NBEAL1: variants seen among roughly 807,000 people sequenced by gnomAD.
NBEAL1 encodes the protein neurobeachin-like protein 1.
A neutral mutation model predicts 351.3 loss-of-function variants in NBEAL1; 273 were observed. The observed-to-expected ratio is 0.78, with a 90% CI of 0.70 to 0.86. The LOEUF (loss-of-function observed/expected upper bound fraction) is 0.86. NBEAL1 is among the 40% of genes least tolerant of loss of function. NBEAL1 has a pLI of 0.00. For synonymous variants in NBEAL1, 1,050 were observed against 1,086.4 expected, an observed-to-expected ratio of 0.97 and a Z score of 0.66; for missense variants, 2,961 against 3,201.3, an observed-to-expected ratio of 0.92 and a Z score of 1.81.
At chr2:203,048,209 C>T (rs553177139) in intron 3 of NBEAL1, among the ~76,000 whole-genome samples, 2 of 151,776 alleles carry the variant, frequency 1.3e-5, no homozygotes, top group South Asian at 2.1e-4. Context: ...TGGTGAAACC[C>T]CGTCTCTACG....
chr2:203,084,335 A>T (rs2061926185), intron 9 of NBEAL1, 128 bp from the exon 10 acceptor site: 3 of 453,736 alleles, frequency 6.6e-6, no homozygotes, highest in Admixed American at 4.3e-5. Flanking sequence ...TTTGTGTGTT[A>T]GTGTCATTTT....
chr2:203,145,264 CTTTT>C (rs1242829227), intron 33 of NBEAL1, 104 bp downstream of exon 33: 3 of 973,230 alleles, frequency 3.1e-6, no homozygotes, highest in Non-Finnish European at 4.4e-6. Context: ...AGCAGTATTT[CTTTT>C]ATTTGTCTAA....
intron 42 of NBEAL1, among the ~76,000 whole-genome samples, chr2:203,179,867 G>C (rs973590678): frequency 1.3e-5 from 2 of 151,860 alleles, no homozygotes; most frequent in African/African-American, 4.8e-5. Context: ...TCTGCCTCCC[G>C]GGCTCAAGCA....
chr2:203,203,039 C>CT (rs572922605), intron 51 of NBEAL1, among the ~76,000 whole-genome samples: 325 of 152,232 alleles, frequency 2.1e-3, no homozygotes, highest in Non-Finnish European at 3.9e-3. Flanking sequence ...ATTTTATTGT[C>CT]TTTTAGCATA....
chr2:203,058,971 T>C (rs1325815749), intron 6 of NBEAL1, among the ~76,000 whole-genome samples: 1 of 152,232 alleles, frequency 6.6e-6, no homozygotes, highest in Non-Finnish European at 1.5e-5. Context: ...ACCTCTTTTT[T>C]AAATCTCCTA....
chr2:203,194,530 T>C (rs1216020621), intron 47 of NBEAL1, among the ~76,000 whole-genome samples: 1 of 152,218 alleles, frequency 6.6e-6, no homozygotes, highest in Non-Finnish European at 1.5e-5. Context: ...GTCTCTGCAA[T>C]ACAGCAGAGG....
intron 10 of NBEAL1, chr2:203,085,617 G>T (rs2061949086): frequency 6.6e-6 from 1 of 152,006 alleles, no homozygotes; most frequent in Admixed American, 6.6e-5. Flanking sequence ...ATGATTTTGG[G>T]TGTTTATTTC....
At chr2:203,208,253 T>C (rs1238153205) in intron 51 of NBEAL1, among the ~76,000 whole-genome samples, 1 of 151,836 alleles carries the variant, frequency 6.6e-6, no homozygotes, top group African/African-American at 2.4e-5. Flanking sequence ...GCCACCGCAC[T>C]CCAGCCTGGG....
intron 8 of NBEAL1, among the ~76,000 whole-genome samples, chr2:203,082,914 G>A (rs2061897706): frequency 6.6e-6 from 1 of 152,166 alleles, no homozygotes; most frequent in Non-Finnish European, 1.5e-5. Flanking sequence ...CAAGAGCAAA[G>A]GGTCCTTCCC....
intron 2 of NBEAL1, among the ~76,000 whole-genome samples, chr2:203,032,531 G>T (rs1303402065): frequency 6.6e-6 from 1 of 151,462 alleles, no homozygotes; most frequent in Non-Finnish European, 1.5e-5. Context: ...GTGGTGTCGG[G>T]CACCTGTAGT....
At chr2:203,040,949 T>TG (rs2061130811) in intron 2 of NBEAL1, 1 of 294,830 alleles carries the variant, frequency 3.4e-6, no homozygotes, top group African/African-American at 2.2e-5. Context: ...GTTTTTGTTT[T>TG]GGGGGGAATT....
intron 6 of NBEAL1, among the ~76,000 whole-genome samples, chr2:203,063,812 A>G (rs1347854063): frequency 6.6e-6 from 1 of 152,146 alleles, no homozygotes; most frequent in Non-Finnish European, 1.5e-5. Flanking sequence ...GAATTATTTA[A>G]CCATTCAGGA....
intron 6 of NBEAL1, 110 bp from the exon 7 acceptor site, chr2:203,068,283 C>G (rs755100662): frequency 6.9e-5 from 37 of 539,850 alleles, no homozygotes; most frequent in Non-Finnish European, 1.1e-4. Flanking sequence ...ATACATAGTT[C>G]AAGACACAAA....
At position 203,043,848 on chromosome 2, in the gene NBEAL1, T is replaced by C. The variant is rs765819349; in HGVS notation, c.143+1992T>C. Among the ~76,000 whole-genome samples, 55 of 151,838 alleles carry C rather than the reference T, an allele frequency of 3.6e-4. 2 individuals carry two copies. Among genetic ancestry groups the C allele is most frequent in the Non-Finnish European group, 8.8e-5 (6 of 67,982 alleles). ...AGGAAAAGTGTTTGCATTTTGGGGATAGAGGTAGGCAATCAGAAGTAGTAA... is the reference window on the plus strand; with the variant it reads ...AGGAAAAGTGTTTGCATTTTGGGGACAGAGGTAGGCAATCAGAAGTAGTAA... On this transcript the variant is annotated intron_variant, in intron 3 of 55. Coordinates refer to ENST00000683969, the MANE Select transcript of NBEAL1 (RefSeq NM_001378026.1).
In NBEAL1 at chr2:203,144,644, C is replaced by T. The variant is rs1447270675; in HGVS notation, c.4893C>T (p.Thr1631=). The T allele has an allele frequency of 5.6e-6, 9 of 1,613,922 alleles. No individual in the cohort carries two copies. Among genetic ancestry groups the T allele is most frequent in the Middle Eastern group, 1.6e-4 (1 of 6,082 alleles). ...ASAKLNTLLQ[T]KVIENQDEAC... ...CTAAGCTAAATACCCTTCTTCAGACCAAAGTGATTGAAAATCAGGATGAAG... is the reference window on the plus strand; with the variant it reads ...CTAAGCTAAATACCCTTCTTCAGACTAAAGTGATTGAAAATCAGGATGAAG... Residue 1631 remains threonine, a synonymous_variant, in exon 32 of 56, where the codon ACC becomes ACT. Transcript: ENST00000683969.
rs1158399536 is a variant in NBEAL1, at chr2:203,099,708, C to A, written c.1265C>A (p.Ala422Asp). Residue 422 changes from alanine to aspartate, a missense_variant, in exon 12 of 56, where the codon GCT becomes GAT. Ala to Asp is a moderately radical substitution (Grantham distance 126). Transcript: ENST00000683969. ...LTAVMNKSPA[A>D]KEVFKERIGY... ...GCAGTAATGAACAAATCTCCAGCTGCTAAGGTGAAACATATATCCTCCAGC... is the reference window on the plus strand; with the variant it reads ...GCAGTAATGAACAAATCTCCAGCTGATAAGGTGAAACATATATCCTCCAGC... 6.5e-7 allele frequency: 1 copy of A among 1,541,300 alleles called. No homozygotes were observed. Among genetic ancestry groups the A allele is most frequent in the Admixed American group, 2.0e-5 (1 of 49,814 alleles).
In NBEAL1 at chr2:203,201,615, T is replaced by A; in HGVS notation, c.7311T>A (p.His2437Gln). 1 of 1,612,730 alleles carries A rather than the reference T, an allele frequency of 6.2e-7. No homozygotes were observed. Among genetic ancestry groups the A allele is most frequent in the Non-Finnish European group, 8.5e-7 (1 of 1,179,280 alleles). ...EITSKLFVVS[H>Q]DAKLLFSAGY... ...CTTCTAAGCTATTTGTAGTATCACATGATGCAAAGTTGCTCTTCAGTGCTG... is the reference window on the plus strand; with the variant it reads ...CTTCTAAGCTATTTGTAGTATCACAAGATGCAAAGTTGCTCTTCAGTGCTG... The change falls in exon 50 of 56, where the codon CAT becomes CAA. Residue 2437 changes from histidine to glutamine, a missense_variant. By Grantham distance (24) the His-to-Gln change is conservative (BLOSUM62 0). Coordinates refer to ENST00000683969, the MANE Select transcript of NBEAL1 (RefSeq NM_001378026.1).
chr2:203,211,182 C>CT (rs1490584401), intron 54 of NBEAL1, 76 bp downstream of exon 54: 1 of 1,097,308 alleles, frequency 9.1e-7, no homozygotes, highest in African/African-American at 1.6e-5. Context: ...AATCAGGAAT[C>CT]TAAGATTTTT....
At chr2:203,016,819 A>G (rs994347150) in intron 2 of NBEAL1, among the ~76,000 whole-genome samples, 1 of 152,246 alleles carries the variant, frequency 6.6e-6, no homozygotes. Context: ...TTTTTCTTGG[A>G]ATGAACCTTT....
Sources: gnomAD v4.1 joint callset for allele counts (sites outside exome capture counted in the v4.1 genomes callset) on GRCh38, gnomAD v4.1.1 for gene constraint, MANE v1.5 for transcripts, NCBI Gene and HGNC (gene_info 2026-07-23, HGNC 2026-07-21) for gene names.